GRIK1: variants seen among roughly 807,000 people sequenced by gnomAD.
GRIK1 encodes glutamate receptor ionotropic, kainate 1.
Under a neutral mutation model 105.7 loss-of-function variants are expected in GRIK1, and 69 were observed. The observed-to-expected ratio is 0.65, with a 90% CI of 0.54 to 0.80. The LOEUF (loss-of-function observed/expected upper bound fraction) is 0.80, where lower values mean the gene tolerates loss of function less well. Among genes scored for constraint, GRIK1 ranks in the 30% least tolerant of loss-of-function variants. The probability of loss-of-function intolerance (pLI) is 0.00; values close to 1 mark genes in which losing one functional copy is unlikely to be tolerated. For missense variants in GRIK1, 1,109 were observed against 1,167.3 expected (o/e 0.95, Z 0.73); for synonymous variants, 438 against 431.3 (o/e 1.02, Z -0.19).
At chr21:29,816,104 C>T (rs1200980398) in intron 1 of GRIK1, among the ~76,000 whole-genome samples, 1 of 151,684 alleles carries the variant, frequency 6.6e-6, no homozygotes, top group Non-Finnish European at 1.5e-5. Flanking sequence ...CCAAAAAAGC[C>T]CAAAATAATC....
At chr21:29,777,227 C>A (rs985049601) in intron 1 of GRIK1, among the ~76,000 whole-genome samples, 1 of 152,152 alleles carries the variant, frequency 6.6e-6, no homozygotes, top group Non-Finnish European at 1.5e-5. Context: ...GGAAGTGGGT[C>A]AAACTTCAAC....
At chr21:29,679,239 T>C (rs1333244613) in intron 3 of GRIK1, among the ~76,000 whole-genome samples, 1 of 152,214 alleles carries the variant, frequency 6.6e-6, no homozygotes, top group Non-Finnish European at 1.5e-5. Flanking sequence ...AAATTAATCC[T>C]TACAGTAAAG....
In GRIK1 at chr21:29,651,250, G is replaced by C; in HGVS notation, c.822C>G (p.Gly274=). The C allele has an allele frequency of 1.2e-6, 2 of 1,613,246 alleles. No homozygotes were observed. The highest frequency in any genetic ancestry group is 1.7e-6 in the Non-Finnish European group (2 of 1,179,216). The change falls in exon 6 of 18, where the codon GGC becomes GGG. Residue 274 remains glycine, a synonymous_variant. Transcript: ENST00000327783. The part of the protein sequence containing the change: ...ALDLELYRYS[G]VNMTGFRLLN... ...GCAGCCGAAACCCGGTCATGTTTAC[G>C]CCACTGTACCTATAGAGTTCCAGAT... is the stretch of plus-strand genomic sequence containing the variant.
intron 1 of GRIK1, among the ~76,000 whole-genome samples, chr21:29,878,825 T>G (rs1051055764): frequency 6.6e-6 from 1 of 152,076 alleles, no homozygotes; most frequent in Non-Finnish European, 1.5e-5. Context: ...CTTCCCAGCC[T>G]CCGAATCTAT....
intron 1 of GRIK1, among the ~76,000 whole-genome samples, chr21:29,848,779 A>ATATATATATTTTTTTTTTTT: frequency 7.7e-5 from 6 of 77,862 alleles, no homozygotes; most frequent in African/African-American, 2.9e-4. Flanking sequence ...ATATATATAT[A>ATATATATATTTTTTTTTTTT]TTTTTTTTTT....
chr21:29,573,877 C>T (rs75792796), intron 14 of GRIK1, among the ~76,000 whole-genome samples: 3,459 of 147,038 alleles, frequency 0.024, 135 homozygotes, highest in African/African-American at 0.081. Flanking sequence ...AAAAAAGTGA[C>T]ACTTTGTCAT....
chr21:29,754,916 T>A (rs1381392409), intron 1 of GRIK1, among the ~76,000 whole-genome samples: 2 of 152,154 alleles, frequency 1.3e-5, no homozygotes, highest in African/African-American at 4.8e-5. Flanking sequence ...GTCTCCACAG[T>A]CATGTAGGCC....
intron 1 of GRIK1, among the ~76,000 whole-genome samples, chr21:29,706,994 A>G (rs1024342073): frequency 3.3e-5 from 5 of 152,074 alleles, no homozygotes; most frequent in Admixed American, 1.3e-4. Context: ...CCTCCAAAGT[A>G]GCTTGGACTA....
intron 2 of GRIK1, among the ~76,000 whole-genome samples, chr21:29,690,945 AC>A (rs1273456826): frequency 3.9e-5 from 6 of 152,194 alleles, no homozygotes; most frequent in Non-Finnish European, 7.4e-5. Context: ...TCAAGTCCTT[AC>A]AAATTCTCCT....
chr21:29,592,367 C>G (rs2061345867), intron 9 of GRIK1, among the ~76,000 whole-genome samples: 1 of 152,198 alleles, frequency 6.6e-6, no homozygotes, highest in Non-Finnish European at 1.5e-5. Context: ...AAGCCCATTA[C>G]TCTTTTTAAA....
At chr21:29,590,638 T>C (rs1211027014) in intron 10 of GRIK1, among the ~76,000 whole-genome samples, 1 of 152,172 alleles carries the variant, frequency 6.6e-6, no homozygotes, top group Non-Finnish European at 1.5e-5. Flanking sequence ...AGAATACTCC[T>C]GAAGCTCAGT....
intron 1 of GRIK1, among the ~76,000 whole-genome samples, chr21:29,805,838 C>G (rs1346542044): frequency 6.6e-6 from 1 of 152,144 alleles, no homozygotes; most frequent in Non-Finnish European, 1.5e-5. Context: ...CCTGTGATCA[C>G]TGATATAGGT....
chr21:29,909,164 C>T (rs1042474309), intron 1 of GRIK1, among the ~76,000 whole-genome samples: 15 of 151,810 alleles, frequency 9.9e-5, no homozygotes, highest in African/African-American at 3.4e-4. Context: ...ATAAATCAAG[C>T]CACGAAATTT....
At chr21:29,592,175 G>A (rs1328932434) in intron 9 of GRIK1, among the ~76,000 whole-genome samples, 4 of 152,338 alleles carry the variant, frequency 2.6e-5, no homozygotes, top group Non-Finnish European at 5.9e-5. Context: ...AAGAGTGCTT[G>A]TGAGCCCTAG....
At chr21:29,795,922 G>A (rs890086383) in intron 1 of GRIK1, among the ~76,000 whole-genome samples, 3 of 151,886 alleles carry the variant, frequency 2.0e-5, no homozygotes, top group Admixed American at 6.6e-5. Context: ...TTCTAATGCT[G>A]TCCAGGGTTG....
At chr21:29,849,253 T>A (rs944653097) in intron 1 of GRIK1, among the ~76,000 whole-genome samples, 1 of 152,228 alleles carries the variant, frequency 6.6e-6, no homozygotes, top group African/African-American at 2.4e-5. Context: ...GCTTCTAGTA[T>A]GGTGCCAAAC....
At chr21:29,607,399 T>C (rs945288126) in intron 7 of GRIK1, among the ~76,000 whole-genome samples, 6 of 138,354 alleles carry the variant, frequency 4.3e-5, no homozygotes, top group African/African-American at 1.3e-4. Context: ...CTCTGGAAAT[T>C]AAAAAAAAAA....
At chr21:29,575,170 A>G (rs1203163841) in intron 14 of GRIK1, among the ~76,000 whole-genome samples, 5 of 152,292 alleles carry the variant, frequency 3.3e-5, no homozygotes, top group Middle Eastern at 3.4e-3. Flanking sequence ...AACTTATTGT[A>G]TAGTTAATTC....
intron 1 of GRIK1, among the ~76,000 whole-genome samples, chr21:29,697,285 C>A (rs553813385): frequency 1.5e-4 from 23 of 152,094 alleles, no homozygotes; most frequent in African/African-American, 5.5e-4. Context: ...TATTATCGTA[C>A]CTGGATAATG....
Sources: allele counts gnomAD v4.1 joint callset (sites outside exome capture counted in the v4.1 genomes callset), GRCh38; gene constraint gnomAD v4.1.1; transcripts MANE v1.5; gene names NCBI Gene and HGNC (gene_info 2026-07-23, HGNC 2026-07-21).